Variants in IDNK observed in about 807,000 individuals in gnomAD.
IDNK encodes the protein IDNK gluconokinase.
In IDNK, 9 loss-of-function variants were observed where a neutral mutation model predicts 13.0. The observed-to-expected ratio is 0.69, with a 90% CI of 0.42 to 1.21. The LOEUF is 1.21. Ranked by LOEUF, IDNK falls within the 50% of genes most tolerant of loss-of-function variation. The probability of loss-of-function intolerance (pLI) is 0.00; values close to 1 mark genes in which losing one functional copy is unlikely to be tolerated. For missense variants in IDNK, 210 were observed against 237.8 expected, an observed-to-expected ratio of 0.88 and a Z score of 0.77; for synonymous variants, 92 against 94.9, an observed-to-expected ratio of 0.97 and a Z score of 0.18.
intron 3 of IDNK, among the ~76,000 whole-genome samples, chr9:83,634,681 C>G (rs867936356): frequency 6.6e-6 from 1 of 152,130 alleles, no homozygotes; most frequent in South Asian, 2.1e-4. Context: ...TTCCACAGCA[C>G]AAGCAAATAG....
intron 3 of IDNK, among the ~76,000 whole-genome samples, chr9:83,636,036 AG>A (rs1831156335): frequency 6.6e-6 from 1 of 152,208 alleles, no homozygotes. Flanking sequence ...TATATCCAAG[AG>A]GGTTTTTTTA....
chr9:83,643,498 A>C lies in IDNK; in HGVS notation c.282A>C (p.Leu94Phe). 6.2e-7 allele frequency: 1 copy of C among 1,613,946 alleles called. No individual in the cohort carries two copies. The highest frequency in any genetic ancestry group is 2.2e-5 in the East Asian group (1 of 44,866). The change falls in exon 5 of 5, where the codon TTA (leucine) becomes TTC (phenylalanine). Residue 94 changes from leucine to phenylalanine, a missense_variant. Coordinates refer to ENST00000376419, the MANE Select transcript of IDNK (RefSeq NM_001001551.4). ...TGAAGAAAACGTACAGAGACATATT[A>C]ACACAAGGAAAAGATGGTGTAGCTC... ...SALKKTYRDI[L>F]TQGKDGVALK...
At chr9:83,635,157 GC>G (rs1180563607) in intron 3 of IDNK, among the ~76,000 whole-genome samples, 3 of 152,168 alleles carry the variant, frequency 2.0e-5, no homozygotes, top group African/African-American at 7.2e-5. Flanking sequence ...TGTCTTGCAG[GC>G]CCAGCCCCCT....
At chr9:83,643,385 C>CAAG in intron 4 of IDNK, 44 bp from the exon 5 acceptor site, 1 of 1,482,588 alleles carries the variant, frequency 6.7e-7, no homozygotes, top group Middle Eastern at 1.8e-4. Context: ...TTTAAATGTC[C>CAAG]TCCTTCTTTA....
intron 3 of IDNK, among the ~76,000 whole-genome samples, chr9:83,640,607 C>T (rs1027510109): frequency 6.6e-6 from 1 of 152,172 alleles, no homozygotes; most frequent in African/African-American, 2.4e-5. Context: ...TTTGGGAGGC[C>T]AAGGCAGGCG....
chr9:83,635,558 C>T (rs1477355794), intron 3 of IDNK, among the ~76,000 whole-genome samples: 1 of 152,240 alleles, frequency 6.6e-6, no homozygotes, highest in Non-Finnish European at 1.5e-5. Context: ...GACATGCTTC[C>T]TCTAGGTATG....
intron 3 of IDNK, among the ~76,000 whole-genome samples, chr9:83,632,842 C>G (rs762002715): frequency 3.9e-5 from 6 of 152,110 alleles, no homozygotes; most frequent in Non-Finnish European, 7.3e-5. Context: ...AGTGAATTTG[C>G]TCTAATATCT....
intron 3 of IDNK, among the ~76,000 whole-genome samples, chr9:83,629,783 C>A (rs1830961848): frequency 6.6e-6 from 1 of 152,240 alleles, no homozygotes; most frequent in Non-Finnish European, 1.5e-5. Context: ...CCTAAAAGGG[C>A]AGGGACTGTG....
At chr9:83,623,110 G>GCGC (rs1830742693), upstream of IDNK, 1 of 1,357,510 alleles carries the variant, frequency 7.4e-7, no homozygotes, top group Admixed American at 3.8e-5. Flanking sequence ...CGCCCCTCGA[G>GCGC]CGCCGGGTAG....
intron 1 of IDNK, among the ~76,000 whole-genome samples, chr9:83,626,132 C>T (rs1830842273): frequency 6.6e-6 from 1 of 152,156 alleles, no homozygotes; most frequent in Non-Finnish European, 1.5e-5. Flanking sequence ...TTTTAAGTCC[C>T]TTGCCCCTGA....
In IDNK at chr9:83,643,575, T is replaced by A; in HGVS notation, c.359T>A (p.Leu120Gln). 1 of 1,614,028 alleles carries A rather than the reference T, an allele frequency of 6.2e-7. No homozygotes were observed. Among genetic ancestry groups the A allele is most frequent in the South Asian group, 1.1e-5 (1 of 91,068 alleles). ...GCAAAGCAGGCTGAGATGCAGCTCCTGGTGGTCCATCTGAGCGGGTCGTTT... is the reference window on the plus strand; with the variant it reads ...GCAAAGCAGGCTGAGATGCAGCTCCAGGTGGTCCATCTGAGCGGGTCGTTT... ...KEAKQAEMQL[L>Q]VVHLSGSFEV... Residue 120 changes from leucine (L) to glutamine (Q), a missense_variant, in exon 5 of 5, where the codon CTG becomes CAG. Physicochemically the swap from Leu to Gln is moderately radical, Grantham distance 113. Transcript: ENST00000376419.
At chr9:83,633,441 T>A (rs1831080767) in intron 3 of IDNK, among the ~76,000 whole-genome samples, 1 of 152,212 alleles carries the variant, frequency 6.6e-6, no homozygotes, top group African/African-American at 2.4e-5. Flanking sequence ...TGCAGGTGAC[T>A]TAATAGATTA....
chr9:83,629,250 T>C (rs1830946799), intron 3 of IDNK, among the ~76,000 whole-genome samples: 1 of 152,208 alleles, frequency 6.6e-6, no homozygotes. Context: ...GGTCAGAGGC[T>C]CCCTGTGCCT....
intron 3 of IDNK, among the ~76,000 whole-genome samples, chr9:83,631,371 G>A (rs957868707): frequency 8.0e-5 from 12 of 149,150 alleles, no homozygotes; most frequent in South Asian, 6.4e-4. Context: ...TAATCCCAGC[G>A]CCCCAGGAGG....
intron 3 of IDNK, among the ~76,000 whole-genome samples, chr9:83,631,870 C>A (rs1178228471): frequency 1.3e-5 from 2 of 152,138 alleles, no homozygotes; most frequent in Non-Finnish European, 2.9e-5. Flanking sequence ...CAGTGAGTCT[C>A]CCCTAGGTGC....
chr9:83,623,327 C>T, intron 1 of IDNK, 106 bp downstream of exon 1: 1 of 1,030,572 alleles, frequency 9.7e-7, no homozygotes. Context: ...TGGGGACCCC[C>T]CACCCTTCCC....
intron 3 of IDNK, among the ~76,000 whole-genome samples, chr9:83,639,392 G>C (rs146504869): frequency 2.4e-3 from 364 of 152,026 alleles, no homozygotes; most frequent in African/African-American, 8.2e-3. Flanking sequence ...AGTTCAAGTA[G>C]AAAAAAATAA....
intron 3 of IDNK, among the ~76,000 whole-genome samples, chr9:83,639,302 C>T (rs989426887): frequency 1.3e-5 from 2 of 152,038 alleles, no homozygotes; most frequent in African/African-American, 4.8e-5. Context: ...GATGCAGTTA[C>T]AACATTACTT....
Position 83,628,041 on chromosome 9 carries a change from A to G in IDNK, c.51-140A>G, listed in dbSNP as rs1830908360. 4.7e-6 allele frequency: 7 copies of G among 1,478,088 alleles called. No individual in the cohort carries two copies. In the Middle Eastern group the frequency reaches 8.0e-4, roughly 168 times the overall value. 91.6% of individuals were successfully genotyped at this position (1,478,088 alleles called of 1,614,324 possible). A position where few individuals can be genotyped will look rare whatever the true frequency, so the allele number is the denominator to read the frequency against. ...GTCTCCAGACTCCACGGTCACGGGC[A>G]TCACTGCTTTAGGATTACACAGTGA... On this transcript the variant is annotated intron_variant, in intron 1 of 4. Transcript: ENST00000376419.
Sources: gnomAD v4.1 joint callset for allele counts (sites outside exome capture counted in the v4.1 genomes callset) on GRCh38, gnomAD v4.1.1 for gene constraint, MANE v1.5 for transcripts, NCBI Gene and HGNC (gene_info 2026-07-23, HGNC 2026-07-21) for gene names.